The following BCL2L1 variants were observed in gnomAD, a reference collection of about 807,000 sequenced individuals.
The protein encoded by BCL2L1 is BCL2 like 1, also known as bcl-2-like protein 1.
In BCL2L1, 1 loss-of-function variant was observed where a neutral mutation model predicts 18.7. That is an observed-to-expected ratio of 0.05 (90% CI 0.02 to 0.25). BCL2L1 has a LOEUF of 0.25. BCL2L1 is among the 10% of genes least tolerant of loss of function. The pLI is 1.00. For missense variants in BCL2L1, 207 were observed against 304.9 expected (o/e 0.68, Z 2.39); for synonymous variants, 103 against 122.7 (o/e 0.84, Z 1.06).
chr20:31,714,621 G>A (rs943875694), intron 2 of BCL2L1, among the ~76,000 whole-genome samples: 1 of 152,152 alleles, frequency 6.6e-6, no homozygotes, highest in African/African-American at 2.4e-5. Context: ...AAGATTCAGA[G>A]AGGTAAAAGG....
chr20:31,715,497 C>T (rs1019387061), intron 2 of BCL2L1, among the ~76,000 whole-genome samples: 2 of 152,246 alleles, frequency 1.3e-5, no homozygotes, highest in African/African-American at 4.8e-5. Context: ...AGTCCATTCC[C>T]TCTGCTTTAA....
At chr20:31,676,790 G>C (rs1212573549) in intron 2 of BCL2L1, among the ~76,000 whole-genome samples, 1 of 152,144 alleles carries the variant, frequency 6.6e-6, no homozygotes, top group African/African-American at 2.4e-5. Flanking sequence ...CACACCCATG[G>C]GAGTTGGTAG....
chr20:31,700,669 C>G (rs1024907856), intron 2 of BCL2L1, among the ~76,000 whole-genome samples: 1 of 152,164 alleles, frequency 6.6e-6, no homozygotes, highest in African/African-American at 2.4e-5. Flanking sequence ...TGGTAAGGCT[C>G]GGTGTAAACC....
At chr20:31,678,897 T>G (rs1038656294) in intron 2 of BCL2L1, among the ~76,000 whole-genome samples, 3 of 152,160 alleles carry the variant, frequency 2.0e-5, no homozygotes, top group African/African-American at 7.2e-5. Flanking sequence ...TGCAACACCC[T>G]TCTCTCCCCA....
chr20:31,667,511 G>C (rs927098899), intron 2 of BCL2L1, among the ~76,000 whole-genome samples: 1 of 151,360 alleles, frequency 6.6e-6, no homozygotes, highest in Non-Finnish European at 1.5e-5. Flanking sequence ...GTGTGTGTGT[G>C]TGTAAAATGA....
At chr20:31,681,376 T>C (rs6058352) in intron 2 of BCL2L1, among the ~76,000 whole-genome samples, 56,352 of 152,146 alleles carry the variant, frequency 0.37, 12,582 homozygotes, top group African/African-American at 0.61. Context: ...GGGCCAGGTG[T>C]AGCGGCTCAT....
rs557855036 is a variant in BCL2L1 at position 31,711,746 on chromosome 20, C to T, written c.564+9909G>A. 2.6e-5 allele frequency among the ~76,000 whole-genome samples: 4 copies of T among 152,264 alleles called. No homozygotes were observed. The South Asian group carries it at 8.3e-4, about 32-fold the overall frequency. ...CTGCCATTTACTGTGGGACAAGACC[C>T]CTTATCTTAGTTTCCCCTCTGGAAA... On this transcript the variant is annotated intron_variant, in intron 2 of 2. Transcript: ENST00000307677.
chr20:31,721,579 G>A, intron 2 of BCL2L1, 76 bp downstream of exon 2: 1 of 1,478,154 alleles, frequency 6.8e-7, no homozygotes, highest in Non-Finnish European at 9.1e-7. Context: ...AACAGAAAGA[G>A]ATACAGAAGA....
chr20:31,709,691 C>T (rs1284901413), intron 2 of BCL2L1, among the ~76,000 whole-genome samples: 33 of 151,648 alleles, frequency 2.2e-4, no homozygotes, highest in African/African-American at 6.5e-4. Context: ...AAAAATTAGC[C>T]GGGCCTGGTG....
At chr20:31,685,387 A>G (rs1221534033) in intron 2 of BCL2L1, among the ~76,000 whole-genome samples, 6 of 146,278 alleles carry the variant, frequency 4.1e-5, no homozygotes, top group Admixed American at 6.7e-5. Context: ...GTGACAGAGC[A>G]AGACTCCATC....
chr20:31,720,541 T>A (rs892072004), intron 2 of BCL2L1: 5 of 985,372 alleles, frequency 5.1e-6, no homozygotes, highest in Non-Finnish European at 4.8e-6. Flanking sequence ...GTAAAGAAGC[T>A]TTCACCACCA....
At chr20:31,686,644 T>C (rs2060959949) in intron 2 of BCL2L1, among the ~76,000 whole-genome samples, 1 of 152,152 alleles carries the variant, frequency 6.6e-6, no homozygotes. Context: ...TCCTTCTAGA[T>C]TCCTGTTACT....
At chr20:31,689,420 G>A (rs1308861006) in intron 2 of BCL2L1, among the ~76,000 whole-genome samples, 4 of 145,458 alleles carry the variant, frequency 2.7e-5, no homozygotes, top group South Asian at 2.2e-4. Context: ...GTGAGATCCC[G>A]TCTCTACAAA....
Position 31,675,267 on chromosome 20 carries a change from C to T in BCL2L1, c.565-9181G>A, listed in dbSNP as rs111616450. ...TAGCAGCCAGGAAAAGTGCCAGGGA[C>T]ACCAGAACTGTACCTTGTTCTGTCC... On this transcript the variant is annotated intron_variant, in intron 2 of 2. Transcript: ENST00000307677. 1.7e-3 allele frequency among the ~76,000 whole-genome samples: 258 copies of T among 152,304 alleles called. 3 individuals carry two copies. Among genetic ancestry groups the T allele is most frequent in the African/African-American group, 6.0e-3 (251 of 41,582 alleles).
chr20:31,714,246 T>C (rs1246430306), intron 2 of BCL2L1, among the ~76,000 whole-genome samples: 2 of 152,180 alleles, frequency 1.3e-5, no homozygotes, highest in East Asian at 3.8e-4. Context: ...AAACCCTCCA[T>C]CTTGCATAAA....
chr20:31,667,517 A>G (rs1032361462), intron 2 of BCL2L1, among the ~76,000 whole-genome samples: 2 of 74,164 alleles, frequency 2.7e-5, no homozygotes. Context: ...GTGTGTGTAA[A>G]ATGAATGAGT....
intron 2 of BCL2L1, among the ~76,000 whole-genome samples, chr20:31,701,398 ATATT>A (rs2061275449): frequency 6.6e-6 from 1 of 152,212 alleles, no homozygotes; most frequent in Non-Finnish European, 1.5e-5. Context: ...AATCTGGGCA[ATATT>A]TAGTTATAAA....
At chr20:31,703,637 A>T (rs2061321728) in intron 2 of BCL2L1, among the ~76,000 whole-genome samples, 1 of 144,186 alleles carries the variant, frequency 6.9e-6, no homozygotes, top group Non-Finnish European at 1.5e-5. Context: ...GAATACAGTC[A>T]TGCACCACCA....
At chr20:31,710,864 A>G (rs1247197129) in intron 2 of BCL2L1, among the ~76,000 whole-genome samples, 1 of 152,170 alleles carries the variant, frequency 6.6e-6, no homozygotes, top group Non-Finnish European at 1.5e-5. Context: ...ATAACCCTTC[A>G]TGTTCATTGA....
Sources: allele counts gnomAD v4.1 joint callset (sites outside exome capture counted in the v4.1 genomes callset), GRCh38; gene constraint gnomAD v4.1.1; transcripts MANE v1.5; gene names NCBI Gene and HGNC (gene_info 2026-07-23, HGNC 2026-07-21).